Variants in ACTR2 observed in about 807,000 individuals in gnomAD.
ACTR2 encodes actin-related protein 2.
In ACTR2, 5 loss-of-function variants were observed where a neutral mutation model predicts 50.2. The observed-to-expected ratio is 0.10, with a 90% CI of 0.05 to 0.21. The LOEUF is 0.21. ACTR2 is among the 10% of genes least tolerant of loss of function. The probability of loss-of-function intolerance (pLI) is 1.00; values close to 1 mark genes in which losing one functional copy is unlikely to be tolerated. For synonymous variants in ACTR2, 140 were observed against 162.9 expected (o/e 0.86, Z 1.07); for missense variants, 180 against 480.6 (o/e 0.37, Z 5.85).
At chr2:65,244,207 A>C (rs1391969809) in intron 2 of ACTR2, among the ~76,000 whole-genome samples, 1 of 152,190 alleles carries the variant, frequency 6.6e-6, no homozygotes, top group East Asian at 1.9e-4. Context: ...TTGTACATTA[A>C]ATAAAAAGTA....
At chr2:65,234,617 A>G (rs1671706103) in intron 1 of ACTR2, among the ~76,000 whole-genome samples, 1 of 152,228 alleles carries the variant, frequency 6.6e-6, no homozygotes, top group South Asian at 2.1e-4. Context: ...CCACTTTGCC[A>G]TGTTGTATGT....
At chr2:65,245,732 A>C (rs951974060) in intron 2 of ACTR2, among the ~76,000 whole-genome samples, 8 of 152,204 alleles carry the variant, frequency 5.3e-5, no homozygotes. Context: ...TATATATAGA[A>C]AATGTGACTT....
In ACTR2 at chr2:65,261,276, G is replaced by A. The variant is rs760831946; in HGVS notation, c.765G>A (p.Gly255=). Residue 255 remains glycine (G), a synonymous_variant, in exon 7 of 9, where the codon GGG becomes GGA. Coordinates refer to ENST00000260641, the MANE Select transcript of ACTR2 (RefSeq NM_005722.4). ...CAGATGGACGTATCATCAAAGTTGG[G>A]GGAGAGAGATTTGAAGCACCAGAAG... ...TLPDGRIIKV[G]GERFEAPEAL... is the part of the protein sequence containing the mutation. The A allele has an allele frequency of 3.1e-6, 5 of 1,613,986 alleles. No individual in the cohort carries two copies. The East Asian group carries it at 6.7e-5, about 22-fold the overall frequency.
At chr2:65,267,576 C>T (rs1353345439) in intron 8 of ACTR2, among the ~76,000 whole-genome samples, 4 of 152,090 alleles carry the variant, frequency 2.6e-5, no homozygotes, top group African/African-American at 9.7e-5. Context: ...CAGGTGTTGA[C>T]CAACCATAAA....
At chr2:65,259,746 T>C (rs1173502426) in intron 6 of ACTR2, among the ~76,000 whole-genome samples, 1 of 152,088 alleles carries the variant, frequency 6.6e-6, no homozygotes, top group Non-Finnish European at 1.5e-5. Flanking sequence ...AATTAAATTA[T>C]AAATGTACTG....
chr2:65,239,962 G>A lies in ACTR2; in HGVS notation c.159G>A (p.Lys53=). The change falls in exon 2 of 9, where the codon AAG becomes AAA. Residue 53 remains lysine (K), a splice_region_variant and synonymous_variant. Transcript: ENST00000260641. Reference sequence around the variant, plus strand: ...CCAAAGTGGGAAACATTGAAATCAAGGTAATATTTTATTTATTGATAAATG... The same window carrying A: ...CCAAAGTGGGAAACATTGAAATCAAAGTAATATTTTATTTATTGATAAATG... ...STTKVGNIEI[K]DLMVGDEASE... 1 of 1,559,544 alleles carries A rather than the reference G, an allele frequency of 6.4e-7. No individual in the cohort carries two copies. The highest frequency in any genetic ancestry group is 8.8e-7 in the Non-Finnish European group (1 of 1,131,222).
Position 65,268,937 on chromosome 2 carries a change from C to T in ACTR2, c.*203C>T, listed in dbSNP as rs955102221. ...AATCTGAGTTTAATTCAACTGCTTC[C>T]CTACATAGACTAGAGGGCTAAGGAT... On this transcript the variant is annotated 3_prime_UTR_variant, in exon 9 of 9. Coordinates refer to ENST00000260641, the MANE Select transcript of ACTR2 (RefSeq NM_005722.4). The T allele has an allele frequency of 9.2e-6, 5 of 542,274 alleles. No homozygotes were observed. Among genetic ancestry groups the T allele is most frequent in the South Asian group, 2.2e-5 (1 of 44,904 alleles). 33.6% of individuals were successfully genotyped at this position (542,274 alleles called of 1,614,324 possible). A position where few individuals can be genotyped will look rare whatever the true frequency, so the allele number is the denominator to read the frequency against.
chr2:65,230,944 C>T (rs1420126265), intron 1 of ACTR2, among the ~76,000 whole-genome samples: 1 of 151,600 alleles, frequency 6.6e-6, no homozygotes, highest in Non-Finnish European at 1.5e-5. Context: ...ATCCCAGCTA[C>T]TTGGGAGGCT....
chr2:65,242,757 G>GT (rs1671865147), intron 2 of ACTR2: 1 of 376,952 alleles, frequency 2.7e-6, no homozygotes, highest in African/African-American at 2.1e-5. Context: ...ACTCTTCATT[G>GT]TATTTTTCTG....
chr2:65,233,397 A>G (rs1573146642), intron 1 of ACTR2, among the ~76,000 whole-genome samples: 1 of 151,948 alleles, frequency 6.6e-6, no homozygotes, highest in South Asian at 2.1e-4. Flanking sequence ...GTTGATGCCT[A>G]TAATCCCAGC....
chr2:65,232,874 A>C (rs1287916944), intron 1 of ACTR2, among the ~76,000 whole-genome samples: 1 of 152,234 alleles, frequency 6.6e-6, no homozygotes, highest in African/African-American at 2.4e-5. Flanking sequence ...GAAAGAACGA[A>C]GTCACCAAGT....
chr2:65,255,198 C>T (rs1297639895), intron 5 of ACTR2, among the ~76,000 whole-genome samples: 1 of 152,122 alleles, frequency 6.6e-6, no homozygotes, highest in Non-Finnish European at 1.5e-5. Context: ...GAGCAAACTG[C>T]AGGCTACAGG....
chr2:65,263,811 CGGTG>C (rs1672322140), intron 7 of ACTR2, among the ~76,000 whole-genome samples: 3 of 73,310 alleles, frequency 4.1e-5, no homozygotes, highest in African/African-American at 9.4e-5. Flanking sequence ...AGGCTGAGGC[CGGTG>C]AATCACGAGG....
intron 2 of ACTR2, chr2:65,242,187 C>T: frequency 1.4e-6 from 1 of 703,354 alleles, no homozygotes; most frequent in Non-Finnish European, 2.5e-6. Flanking sequence ...ATTTTAAGTA[C>T]TTTGATTTTT....
chr2:65,250,049 C>A (rs1354123540), intron 3 of ACTR2, among the ~76,000 whole-genome samples: 1 of 152,134 alleles, frequency 6.6e-6, no homozygotes, highest in East Asian at 1.9e-4. Flanking sequence ...AAAGCAATTT[C>A]TATATTTTGT....
At chr2:65,234,423 GTC>G (rs1558619833) in intron 1 of ACTR2, among the ~76,000 whole-genome samples, 2 of 152,106 alleles carry the variant, frequency 1.3e-5, no homozygotes, top group African/African-American at 2.4e-5. Context: ...TGAATGAAAA[GTC>G]TTTTTTTTTG....
intron 1 of ACTR2, among the ~76,000 whole-genome samples, chr2:65,232,327 C>T (rs1422435647): frequency 2.6e-5 from 4 of 152,298 alleles, no homozygotes; most frequent in South Asian, 2.1e-4. Flanking sequence ...AAGGTCCAGT[C>T]GTACAGAGAA....
At chr2:65,264,870 GA>G (rs1672343063) in intron 7 of ACTR2, among the ~76,000 whole-genome samples, 172 bp from the exon 8 acceptor site, 1 of 152,194 alleles carries the variant, frequency 6.6e-6, no homozygotes, top group South Asian at 2.1e-4. Flanking sequence ...TATATGTAAA[GA>G]GGGGTCGTTA....
At chr2:65,265,934 C>G (rs549481416) in intron 8 of ACTR2, among the ~76,000 whole-genome samples, 1 of 152,154 alleles carries the variant, frequency 6.6e-6, no homozygotes, top group Non-Finnish European at 1.5e-5. Flanking sequence ...TCATATATGA[C>G]TCATTGTTGA....
Sources: allele counts gnomAD v4.1 joint callset (sites outside exome capture counted in the v4.1 genomes callset), GRCh38; gene constraint gnomAD v4.1.1; transcripts MANE v1.5; gene names NCBI Gene and HGNC (gene_info 2026-07-23, HGNC 2026-07-21).